The following SYTL3 variants were observed in gnomAD, a reference collection of about 807,000 sequenced individuals.
The protein encoded by SYTL3 is synaptotagmin like 3.
SYTL3 carries 88 observed loss-of-function variants against 82.1 expected under a neutral mutation model. The observed-to-expected ratio is 1.07, with a 90% CI of 0.90 to 1.28. SYTL3 has a LOEUF of 1.28. Among genes scored for constraint, SYTL3 ranks in the 50% most tolerant of loss-of-function variants. SYTL3 has a pLI of 0.00. For synonymous variants in SYTL3, 311 were observed against 289.4 expected (o/e 1.07, Z -0.76); for missense variants, 831 against 757.6 (o/e 1.10, Z -1.14).
chr6:158,738,040 G>A (rs1000886445), intron 11 of SYTL3, among the ~76,000 whole-genome samples: 1 of 152,162 alleles, frequency 6.6e-6, no homozygotes, highest in African/African-American at 2.4e-5. Flanking sequence ...AATTCTGGGT[G>A]CCAACCTGGA....
rs374708271 is a variant in SYTL3, at chr6:158,707,206, G to A, written c.395-24G>A. 113 of 1,611,792 alleles carry A rather than the reference G, an allele frequency of 7.0e-5. 1 individual carries two copies. The highest frequency in any genetic ancestry group is 5.2e-4 in the African/African-American group (39 of 74,844). Reference sequence around the variant, plus strand: ...CTAAGTGCTATTCTTAATAATAAACGCCCTCTATGGATATCTCTCGCAGGC... The same window carrying A: ...CTAAGTGCTATTCTTAATAATAAACACCCTCTATGGATATCTCTCGCAGGC... On this transcript the variant is annotated intron_variant, in intron 6 of 17. Coordinates refer to ENST00000611299, the MANE Select transcript of SYTL3 (RefSeq NM_001242394.2).
chr6:158,697,033 TTAGCAAG>T (rs1215941491), intron 6 of SYTL3, among the ~76,000 whole-genome samples: 1 of 151,540 alleles, frequency 6.6e-6, no homozygotes, highest in African/African-American at 2.4e-5. Flanking sequence ...CTTATTTCAC[TTAGCAAG>T]TGCTAAGTGA....
chr6:158,706,008 A>G (rs931918805), intron 6 of SYTL3, among the ~76,000 whole-genome samples: 3 of 152,140 alleles, frequency 2.0e-5, no homozygotes, highest in African/African-American at 7.2e-5. Context: ...GGGCTCCTGC[A>G]GGTGCTAGCT....
chr6:158,667,554 A>G (rs779212682), intron 5 of SYTL3, among the ~76,000 whole-genome samples: 6 of 152,166 alleles, frequency 3.9e-5, no homozygotes, highest in Non-Finnish European at 7.3e-5. Context: ...GAGACTTTGT[A>G]AAACTTTAGA....
rs1026477782 is a variant in SYTL3, at chr6:158,753,521, G to C, written c.1137+1491G>C. 6.6e-5 allele frequency among the ~76,000 whole-genome samples: 10 copies of C among 151,174 alleles called. No individual in the cohort carries two copies. In the East Asian group the frequency reaches 1.8e-3, roughly 27 times the overall value. On this transcript the variant is annotated intron_variant, in intron 13 of 17. Transcript: ENST00000611299. ...TGAGGCGGGTGGATCATGAGGTCAG[G>C]AGATCGAGACCATCCTGGCTAACAT...
intron 10 of SYTL3, 22 bp downstream of exon 10, chr6:158,718,233 C>G (rs1028251526): frequency 4.0e-6 from 6 of 1,489,150 alleles, no homozygotes. Context: ...CCCACAAGGC[C>G]TCCACGCTGA....
chr6:158,657,864 C>G (rs1389631755), intron 2 of SYTL3, among the ~76,000 whole-genome samples: 3 of 140,294 alleles, frequency 2.1e-5, no homozygotes, highest in Non-Finnish European at 4.5e-5. Context: ...CATTTACACA[C>G]TAGTTGCATT....
chr6:158,757,790 A>C (rs1789338340), intron 14 of SYTL3, among the ~76,000 whole-genome samples: 2 of 152,186 alleles, frequency 1.3e-5, no homozygotes, highest in Admixed American at 6.5e-5. Context: ...AACCCCAGGC[A>C]CTCTCAATAA....
At chr6:158,670,541 G>A (rs906216554) in intron 5 of SYTL3, among the ~76,000 whole-genome samples, 1 of 152,126 alleles carries the variant, frequency 6.6e-6, no homozygotes, top group African/African-American at 2.4e-5. Flanking sequence ...CAGCACTTTG[G>A]GAGGCTGAGG....
chr6:158,676,869 C>A (rs1778096380), intron 5 of SYTL3, among the ~76,000 whole-genome samples: 2 of 152,026 alleles, frequency 1.3e-5, no homozygotes, highest in African/African-American at 4.8e-5. Flanking sequence ...CCATCTCACA[C>A]CAGTTAGAAT....
At chr6:158,741,692 C>T (rs935105778) in intron 11 of SYTL3, among the ~76,000 whole-genome samples, 5 of 152,174 alleles carry the variant, frequency 3.3e-5, no homozygotes, top group African/African-American at 4.8e-5. Context: ...CTTGTTGTCA[C>T]ACATCACAAT....
chr6:158,681,468 A>G (rs1778684897), intron 5 of SYTL3, among the ~76,000 whole-genome samples: 1 of 152,176 alleles, frequency 6.6e-6, no homozygotes, highest in Non-Finnish European at 1.5e-5. Context: ...GCCTGAGGTC[A>G]GGAGTTCGAG....
intron 11 of SYTL3, among the ~76,000 whole-genome samples, chr6:158,743,426 C>T (rs1787185351): frequency 1.3e-5 from 2 of 152,176 alleles, no homozygotes; most frequent in East Asian, 3.8e-4. Flanking sequence ...TTTAGTCTGA[C>T]ATAGCCTGAA....
intron 2 of SYTL3, among the ~76,000 whole-genome samples, chr6:158,656,585 C>A (rs1788703028): frequency 6.6e-6 from 1 of 152,096 alleles, no homozygotes; most frequent in African/African-American, 2.4e-5. Flanking sequence ...ATTAGCCGGG[C>A]ATGGTGGCAG....
At chr6:158,730,085 A>T (rs1452075694) in intron 11 of SYTL3, among the ~76,000 whole-genome samples, 1 of 152,226 alleles carries the variant, frequency 6.6e-6, no homozygotes, top group Non-Finnish European at 1.5e-5. Flanking sequence ...TCACAGGCAC[A>T]TTCCAGCTTG....
intron 6 of SYTL3, among the ~76,000 whole-genome samples, chr6:158,700,904 C>A (rs1365179108): frequency 2.0e-5 from 3 of 152,236 alleles, no homozygotes; most frequent in Non-Finnish European, 4.4e-5. Flanking sequence ...GCATGAGCCA[C>A]CGCACCTGGC....
chr6:158,658,044 C>T (rs2128355158), intron 2 of SYTL3, among the ~76,000 whole-genome samples: 2 of 152,240 alleles, frequency 1.3e-5, no homozygotes, highest in South Asian at 4.1e-4. Context: ...AGGCGCCTGC[C>T]ACAACACCCG....
Position 158,764,772 on chromosome 6 carries a change from T to G in SYTL3, c.*168T>G. 1.8e-6 allele frequency: 1 copy of G among 548,416 alleles called. No individual in the cohort carries two copies. The highest frequency in any genetic ancestry group is 3.3e-6 in the Non-Finnish European group (1 of 304,658). 34.0% of individuals were successfully genotyped at this position (548,416 alleles called of 1,614,324 possible). A position where few individuals can be genotyped will look rare whatever the true frequency, so the allele number is the denominator to read the frequency against. ...ACCGCCTATTGGTATCTGTGTATAT[T>G]TACGTTAAACACAATTATGTTACCT... On this transcript the variant is annotated 3_prime_UTR_variant, in exon 18 of 18. Coordinates refer to ENST00000611299, the MANE Select transcript of SYTL3 (RefSeq NM_001242394.2).
At chr6:158,690,531 G>C (rs1337657589) in intron 6 of SYTL3, among the ~76,000 whole-genome samples, 1 of 152,098 alleles carries the variant, frequency 6.6e-6, no homozygotes, top group African/African-American at 2.4e-5. Context: ...GATTTCCTTG[G>C]AAGTAGACAT....
Sources: gnomAD v4.1 joint callset for allele counts (sites outside exome capture counted in the v4.1 genomes callset) on GRCh38, gnomAD v4.1.1 for gene constraint, MANE v1.5 for transcripts, NCBI Gene and HGNC (gene_info 2026-07-23, HGNC 2026-07-21) for gene names.